The following FRMD5 variants were observed in gnomAD, a reference collection of about 807,000 sequenced individuals.
FRMD5 encodes the protein FERM domain-containing protein 5.
Under a neutral mutation model 69.0 loss-of-function variants are expected in FRMD5, and 20 were observed. The ratio of observed to expected loss-of-function variants is 0.29; its 90% CI spans 0.20 to 0.42. The LOEUF (loss-of-function observed/expected upper bound fraction) is 0.42. Ranked by LOEUF, FRMD5 falls within the 10% of genes least tolerant of loss-of-function variation. The pLI is 1.00. For missense variants in FRMD5, 595 were observed against 708.6 expected (o/e 0.84, Z 1.82); for synonymous variants, 271 against 260.1 (o/e 1.04, Z -0.40).
upstream of FRMD5, among the ~76,000 whole-genome samples, chr15:44,198,813 T>C (rs1303418340): frequency 1.3e-5 from 2 of 152,234 alleles, no homozygotes; most frequent in Admixed American, 6.5e-5. Context: ...AGGCCTTATT[T>C]GCCCTTGAGA....
chr15:44,159,435 C>T (rs1022521695), intron 1 of FRMD5, among the ~76,000 whole-genome samples: 3 of 152,070 alleles, frequency 2.0e-5, no homozygotes, highest in African/African-American at 7.3e-5. Flanking sequence ...GATTAGGAGG[C>T]TACTGATATC....
intron 1 of FRMD5, among the ~76,000 whole-genome samples, chr15:43,954,461 C>T (rs1024325472): frequency 5.9e-5 from 9 of 152,248 alleles, no homozygotes; most frequent in Admixed American, 3.9e-4. Context: ...GGATGAGTGA[C>T]AGGACAAAGT....
chr15:43,900,380 C>T (rs937026584), intron 7 of FRMD5, among the ~76,000 whole-genome samples: 3 of 152,182 alleles, frequency 2.0e-5, no homozygotes, highest in Non-Finnish European at 4.4e-5. Context: ...TGTCAATTCT[C>T]TGGTATAACA....
intron 1 of FRMD5, among the ~76,000 whole-genome samples, chr15:44,077,966 GTA>G (rs1304487927): frequency 6.6e-6 from 1 of 152,048 alleles, no homozygotes; most frequent in Non-Finnish European, 1.5e-5. Context: ...GTTAAACTAT[GTA>G]TATTTTTTAT....
chr15:43,883,447 G>A (rs1037328750), intron 13 of FRMD5, among the ~76,000 whole-genome samples: 1 of 152,090 alleles, frequency 6.6e-6, no homozygotes, highest in African/African-American at 2.4e-5. Flanking sequence ...GGAACCTATA[G>A]ATCCCACATA....
chr15:43,904,372 T>A (rs1398806526), intron 6 of FRMD5, among the ~76,000 whole-genome samples: 1 of 152,190 alleles, frequency 6.6e-6, no homozygotes, highest in Non-Finnish European at 1.5e-5. Flanking sequence ...AACTTTTTTT[T>A]ATTTTTAATT....
intron 13 of FRMD5, among the ~76,000 whole-genome samples, chr15:43,879,200 G>T (rs1264690257): frequency 6.6e-6 from 1 of 152,038 alleles, no homozygotes; most frequent in African/African-American, 2.4e-5. Context: ...GCCTCCCAAA[G>T]TGCTGGGATT....
intron 1 of FRMD5, among the ~76,000 whole-genome samples, chr15:44,136,801 A>G (rs1186328105): frequency 6.6e-6 from 1 of 152,208 alleles, no homozygotes; most frequent in African/African-American, 2.4e-5. Context: ...ACAAAACGAA[A>G]TCATTTGAAA....
In FRMD5 at chr15:43,873,452, C is replaced by T; in HGVS notation, c.*433G>A. 2.1e-6 allele frequency: 3 copies of T among 1,429,586 alleles called. No individual in the cohort carries two copies. The highest frequency in any genetic ancestry group is 5.1e-5 in the East Asian group (2 of 38,962). The allele number at this position is 1,429,586 out of a possible 1,614,324, so 88.6% of individuals were successfully genotyped here. On this transcript the variant is annotated 3_prime_UTR_variant, in exon 14 of 14. Coordinates refer to ENST00000417257, the MANE Select transcript of FRMD5 (RefSeq NM_032892.5). Reference sequence around the variant, plus strand: ...CCCAGTGGCACCAGCAGGAAAAGCTCCTGCAGAATACAGAGGACAGCAGCT... The same window carrying T: ...CCCAGTGGCACCAGCAGGAAAAGCTTCTGCAGAATACAGAGGACAGCAGCT...
intron 1 of FRMD5, among the ~76,000 whole-genome samples, chr15:44,163,864 A>T (rs1444540319): frequency 6.6e-6 from 1 of 152,174 alleles, no homozygotes; most frequent in Non-Finnish European, 1.5e-5. Flanking sequence ...TGTGCAGCTG[A>T]TCAGAGGCCC....
At chr15:44,180,504 G>A (rs1156709374) in intron 1 of FRMD5, among the ~76,000 whole-genome samples, 1 of 152,094 alleles carries the variant, frequency 6.6e-6, no homozygotes, top group African/African-American at 2.4e-5. Flanking sequence ...AAGAATACTG[G>A]CCAGGCGCGG....
intron 1 of FRMD5, among the ~76,000 whole-genome samples, chr15:44,071,431 A>C (rs1893534699): frequency 6.9e-6 from 1 of 144,960 alleles, no homozygotes; most frequent in Admixed American, 6.7e-5. Flanking sequence ...TGTCTAAACA[A>C]AACAAAACAA....
rs149236467 is a variant in FRMD5 at position 44,012,154 on chromosome 15, C to T, written c.103-87845G>A. ...GACTTAATAAATCTCCCTAAGAAATCCTAGATTCCTAAAAGGGTGACTGCT... is the reference window on the plus strand; with the variant it reads ...GACTTAATAAATCTCCCTAAGAAATTCTAGATTCCTAAAAGGGTGACTGCT... On this transcript the variant is annotated intron_variant, in intron 1 of 13. Coordinates refer to ENST00000417257, the MANE Select transcript of FRMD5 (RefSeq NM_032892.5). Among the ~76,000 whole-genome samples the T allele has an allele frequency of 1.1e-3, 163 of 152,226 alleles. 1 individual carries two copies. Among genetic ancestry groups the T allele is most frequent in the Admixed American group, 3.3e-3 (50 of 15,292 alleles).
chr15:44,162,706 A>G (rs2077637723), intron 1 of FRMD5, among the ~76,000 whole-genome samples: 1 of 151,416 alleles, frequency 6.6e-6, no homozygotes, highest in Non-Finnish European at 1.5e-5. Flanking sequence ...CGACTCTACT[A>G]AAAATACAAA....
intron 1 of FRMD5, among the ~76,000 whole-genome samples, chr15:43,992,753 C>A (rs1458793054): frequency 6.6e-6 from 1 of 152,128 alleles, no homozygotes; most frequent in African/African-American, 2.4e-5. Context: ...TTCCTCTGCC[C>A]AGGCTGGAGT....
intron 4 of FRMD5, among the ~76,000 whole-genome samples, chr15:43,917,059 C>T (rs1041015434): frequency 2.0e-5 from 3 of 152,132 alleles, no homozygotes; most frequent in Non-Finnish European, 4.4e-5. Context: ...GGATGACAGG[C>T]GTGAGCCACC....
At chr15:43,881,179 GC>G (rs2088518150) in intron 13 of FRMD5, among the ~76,000 whole-genome samples, 1 of 152,126 alleles carries the variant, frequency 6.6e-6, no homozygotes, top group Admixed American at 6.5e-5. Flanking sequence ...CCTAGGGTGA[GC>G]CTTTTGTTTG....
In FRMD5 at chr15:43,873,891, G is replaced by A. The variant is rs755940494; in HGVS notation, c.1707C>T (p.Asp569=). Residue 569 remains aspartate (D), a synonymous_variant, in exon 14 of 14, where the codon GAC becomes GAT. Coordinates refer to ENST00000417257, the MANE Select transcript of FRMD5 (RefSeq NM_032892.5). ...KIRSVVSLLI[D]T ...TGGGAGGAGTCATGCCTTCTCAGGT[G>A]TCAATGAGCAGGCTCACCACTGAGC... is the stretch of plus-strand genomic sequence containing the variant. The A allele has an allele frequency of 1.2e-6, 2 of 1,613,748 alleles. No homozygotes were observed. Among genetic ancestry groups the A allele is most frequent in the East Asian group, 2.2e-5 (1 of 44,852 alleles).
At chr15:43,971,244 A>G (rs2090371867) in intron 1 of FRMD5, among the ~76,000 whole-genome samples, 1 of 151,936 alleles carries the variant, frequency 6.6e-6, no homozygotes. Flanking sequence ...ACCTCACAAA[A>G]AAACAAAAAA....
Sources: allele counts gnomAD v4.1 joint callset (sites outside exome capture counted in the v4.1 genomes callset), GRCh38; gene constraint gnomAD v4.1.1; transcripts MANE v1.5; gene names NCBI Gene and HGNC (gene_info 2026-07-23, HGNC 2026-07-21).